Variants in C10orf88 observed in about 807,000 individuals in gnomAD.
C10orf88 encodes the protein chromosome 10 open reading frame 88.
Under a neutral mutation model 34.2 loss-of-function variants are expected in C10orf88, and 29 were observed. That is an observed-to-expected ratio of 0.85 (90% CI 0.63 to 1.16). C10orf88 has a LOEUF of 1.16. C10orf88 is among the 50% of genes most tolerant of loss of function. C10orf88 has a pLI of 0.00. For synonymous variants in C10orf88, 194 were observed against 197.4 expected (o/e 0.98, Z 0.15); for missense variants, 507 against 533.2 (o/e 0.95, Z 0.48).
chr10:122,937,053 T>C (rs915152658), intron 5 of C10orf88, among the ~76,000 whole-genome samples: 73 of 152,018 alleles, frequency 4.8e-4, no homozygotes, highest in Non-Finnish European at 9.6e-4. Context: ...TAAAATCTCT[T>C]AGGCTAAAGA....
At chr10:122,946,257 C>T (rs1848638769) in intron 4 of C10orf88, among the ~76,000 whole-genome samples, 1 of 152,124 alleles carries the variant, frequency 6.6e-6, no homozygotes. Context: ...TACTGACTTA[C>T]CTAGAGTAAC....
intron 4 of C10orf88, among the ~76,000 whole-genome samples, chr10:122,943,131 A>G (rs1221010958): frequency 2.7e-5 from 4 of 150,818 alleles, no homozygotes; most frequent in Non-Finnish European, 5.9e-5. Context: ...CTATACTACA[A>G]GGCTACAGTA....
At chr10:122,942,114 C>A (rs1301746752) in intron 4 of C10orf88, among the ~76,000 whole-genome samples, 1 of 151,900 alleles carries the variant, frequency 6.6e-6, no homozygotes, top group Non-Finnish European at 1.5e-5. Context: ...TCATTTTTTC[C>A]TAGTGTCAAG....
rs1358679240 is a variant in C10orf88, at chr10:122,954,106, C to A, written c.73G>T (p.Gly25Trp). 6.3e-7 allele frequency: 1 copy of A among 1,585,682 alleles called. No individual in the cohort carries two copies. The highest frequency in any genetic ancestry group is 1.7e-5 in the Admixed American group (1 of 57,830). The part of the protein sequence containing the change: ...TLASSWDVAG[G>W]ALTHSLLLTR... ...AGGAGGAGGCTGTGGGTCAGGGCCCCGCCTGCAACATCCCAAGAAGAGGCC... is the reference window on the plus strand; with the variant it reads ...AGGAGGAGGCTGTGGGTCAGGGCCCAGCCTGCAACATCCCAAGAAGAGGCC... The change falls in exon 1 of 6, where the codon GGG becomes TGG. Residue 25 changes from glycine to tryptophan, a missense_variant. Transcript: ENST00000481909.
At chr10:122,938,499 A>G (rs1004221506) in intron 4 of C10orf88, among the ~76,000 whole-genome samples, 12 of 152,096 alleles carry the variant, frequency 7.9e-5, no homozygotes, top group African/African-American at 2.7e-4. Flanking sequence ...TGTTTCCACT[A>G]CAAATGTCTC....
At chr10:122,946,838 T>C (rs1848645038) in intron 4 of C10orf88, among the ~76,000 whole-genome samples, 1 of 151,882 alleles carries the variant, frequency 6.6e-6, no homozygotes, top group Non-Finnish European at 1.5e-5. Context: ...AGAGAACAGT[T>C]ATGAGTGCAA....
chr10:122,936,385 T>C (rs1357861637), intron 5 of C10orf88, among the ~76,000 whole-genome samples: 1 of 151,978 alleles, frequency 6.6e-6, no homozygotes, highest in African/African-American at 2.4e-5. Context: ...ATCAATTTTA[T>C]TGAAATTTTC....
chr10:122,931,168 T>C lies in C10orf88; in HGVS notation c.*1259A>G, dbSNP rs905239161. On this transcript the variant is annotated 3_prime_UTR_variant, in exon 6 of 6. Coordinates refer to ENST00000481909, the MANE Select transcript of C10orf88 (RefSeq NM_024942.4). ...CTGTCATGGCGATTGTCAACTGTCA[T>C]GGAGCTAGCAGGAGCGTTATTTAGC... 1 of 152,150 alleles carries C rather than the reference T, an allele frequency of 6.6e-6. No homozygotes were observed. The highest frequency in any genetic ancestry group is 6.5e-5 in the Admixed American group (1 of 15,272). The allele number at this position is 152,150 out of a possible 1,614,324, so 9.4% of individuals were successfully genotyped here. A position where few individuals can be genotyped will look rare whatever the true frequency, so the allele number is the denominator to read the frequency against.
chr10:122,936,116 A>T (rs1300700670), intron 5 of C10orf88, among the ~76,000 whole-genome samples: 1 of 151,942 alleles, frequency 6.6e-6, no homozygotes. Flanking sequence ...CTTTCCAATC[A>T]TTAATCAAAT....
intron 3 of C10orf88, among the ~76,000 whole-genome samples, chr10:122,950,349 G>A (rs1166082874): frequency 6.6e-6 from 1 of 152,142 alleles, no homozygotes; most frequent in Non-Finnish European, 1.5e-5. Flanking sequence ...CTCAGAACAA[G>A]CTTTCATATC....
intron 4 of C10orf88, among the ~76,000 whole-genome samples, chr10:122,943,093 T>C (rs1403402714): frequency 1.3e-5 from 2 of 151,578 alleles, no homozygotes; most frequent in East Asian, 3.9e-4. Context: ...AGAACAAAGC[T>C]GGAGGCATCA....
chr10:122,938,066 T>A lies in C10orf88; in HGVS notation c.742A>T (p.Thr248Ser), dbSNP rs775727515. The A allele has an allele frequency of 6.2e-7, 1 of 1,613,266 alleles. No homozygotes were observed. Among genetic ancestry groups the A allele is most frequent in the Non-Finnish European group, 8.5e-7 (1 of 1,179,400 alleles). ...GGTGTGGAGGACGACTTGTTTAAGG[T>A]TCCTAAGGTAGATGAGGATTGTAGT... is the stretch of plus-strand genomic sequence containing the variant. The part of the protein sequence containing the change: ...IGLQSSSTLG[T>S]LNKSSSTPFP... The change falls in exon 5 of 6, where the codon ACC becomes TCC. Residue 248 changes from threonine to serine, a missense_variant. By Grantham distance (58) the Thr-to-Ser change is moderately conservative (BLOSUM62 1). Coordinates refer to ENST00000481909, the MANE Select transcript of C10orf88 (RefSeq NM_024942.4).
At chr10:122,952,086 C>A in intron 2 of C10orf88, 60 bp from the exon 3 acceptor site, 1 of 825,220 alleles carries the variant, frequency 1.2e-6, no homozygotes, top group African/African-American at 1.8e-5. Context: ...TTAATAGTTA[C>A]ACTTAAAAAT....
rs1848488474 is a variant in C10orf88 at position 122,932,072 on chromosome 10, AG to A, written c.*354del. 2 of 164,106 alleles carry A rather than the reference AG, an allele frequency of 1.2e-5. No homozygotes were observed. The highest frequency in any genetic ancestry group is 4.8e-5 in the African/African-American group (2 of 41,946). 10.2% of individuals were successfully genotyped at this position (164,106 alleles called of 1,614,324 possible). A position where few individuals can be genotyped will look rare whatever the true frequency, so the allele number is the denominator to read the frequency against. ...TTAAGCATTATTTTTCATACTTCTA[AG>A]ACTATAAGATCTTTGTATAAATAAA... On this transcript the variant is annotated 3_prime_UTR_variant, in exon 6 of 6. Transcript: ENST00000481909.
chr10:122,948,943 G>T, intron 3 of C10orf88, 88 bp from the exon 4 acceptor site: 1 of 1,142,124 alleles, frequency 8.8e-7, no homozygotes, highest in Non-Finnish European at 1.2e-6. Context: ...AAACAAGAGT[G>T]AAGTATTCAA....
chr10:122,937,803 G>A lies in C10orf88; in HGVS notation c.1005C>T (p.Leu335=), dbSNP rs772600482. 23 of 1,613,030 alleles carry A rather than the reference G, an allele frequency of 1.4e-5. No homozygotes were observed. The highest frequency in any genetic ancestry group is 1.7e-5 in the Admixed American group (1 of 59,928). Residue 335 remains leucine, a synonymous_variant, in exon 5 of 6, where the codon CTC becomes CTT. Coordinates refer to ENST00000481909, the MANE Select transcript of C10orf88 (RefSeq NM_024942.4). The part of the protein sequence containing the change: ...NIPNSELLPF[L]QNLCSQVNHL... Reference sequence around the variant, plus strand: ...GATTAACTTGACTACATAAATTCTGGAGAAAAGGCAGCAACTCGGAGTTGG... The same window carrying A: ...GATTAACTTGACTACATAAATTCTGAAGAAAAGGCAGCAACTCGGAGTTGG...
At chr10:122,932,979 T>C (rs1245043963) in intron 5 of C10orf88, among the ~76,000 whole-genome samples, 1 of 152,222 alleles carries the variant, frequency 6.6e-6, no homozygotes, top group Non-Finnish European at 1.5e-5. Flanking sequence ...CCCAATTTTC[T>C]TCTAAAGTCA....
At chr10:122,936,565 T>C (rs988082698) in intron 5 of C10orf88, among the ~76,000 whole-genome samples, 4 of 152,096 alleles carry the variant, frequency 2.6e-5, no homozygotes, top group African/African-American at 9.6e-5. Context: ...TTTATTTTGG[T>C]TGAGCTGTAG....
Position 122,951,983 on chromosome 10 carries a change from C to T in C10orf88, c.412G>A (p.Glu138Lys), listed in dbSNP as rs150582565. ...IILYKKNLKL[E>K]SSTHACKIKL... The stretch of plus-strand genomic sequence containing the variant: ...ATTTTACAAGCATGTGTGGAGGACT[C>T]CAATTTTAGATTTTTTTTATACAAA... The change falls in exon 3 of 6, where the codon GAG (glutamate) becomes AAG (lysine). Residue 138 changes from glutamate (E) to lysine (K), a missense_variant. Coordinates refer to ENST00000481909, the MANE Select transcript of C10orf88 (RefSeq NM_024942.4). 9.8e-4 allele frequency: 1,514 copies of T among 1,547,648 alleles called. 3 individuals carry two copies. The Middle Eastern group carries it at 0.011, about 11-fold the overall frequency.
Sources: gnomAD v4.1 joint callset for allele counts (sites outside exome capture counted in the v4.1 genomes callset) on GRCh38, gnomAD v4.1.1 for gene constraint, MANE v1.5 for transcripts, NCBI Gene and HGNC (gene_info 2026-07-23, HGNC 2026-07-21) for gene names.